The following FAM135B variants were observed in gnomAD, a reference collection of about 807,000 sequenced individuals.
FAM135B encodes the protein protein FAM135B.
In FAM135B, 43 loss-of-function variants were observed where a neutral mutation model predicts 127.7. The ratio of observed to expected loss-of-function variants is 0.34; its 90% CI spans 0.26 to 0.43. The LOEUF is 0.43. Ranked by LOEUF, FAM135B falls within the 20% of genes least tolerant of loss-of-function variation. FAM135B has a pLI of 1.00. For synonymous variants in FAM135B, 670 were observed against 665.1 expected (o/e 1.01, Z -0.11); for missense variants, 1,558 against 1,725.6 (o/e 0.90, Z 1.72).
intron 1 of FAM135B, among the ~76,000 whole-genome samples, chr8:138,381,173 TG>T (rs1831831649): frequency 6.6e-6 from 1 of 152,146 alleles, no homozygotes; most frequent in Non-Finnish European, 1.5e-5. Context: ...ATCCTTAGCA[TG>T]AAACAGATGC....
At chr8:138,305,808 TAA>T in intron 3 of FAM135B, among the ~76,000 whole-genome samples, 1 of 152,234 alleles carries the variant, frequency 6.6e-6, no homozygotes, top group East Asian at 1.9e-4. Context: ...ATGTTAGAAA[TAA>T]GACAGACCAA....
chr8:138,322,782 A>G (rs1353923001), intron 2 of FAM135B, among the ~76,000 whole-genome samples: 1 of 152,160 alleles, frequency 6.6e-6, no homozygotes, highest in African/African-American at 2.4e-5. Flanking sequence ...CTTTGCCAGC[A>G]GGACACCTGG....
chr8:138,170,541 T>C (rs1253514335), intron 11 of FAM135B, among the ~76,000 whole-genome samples: 1 of 152,168 alleles, frequency 6.6e-6, no homozygotes. Context: ...TATTTGAAGA[T>C]TAAATGTGGT....
chr8:138,206,849 A>G, intron 7 of FAM135B, among the ~76,000 whole-genome samples: 1 of 150,520 alleles, frequency 6.6e-6, no homozygotes, highest in African/African-American at 2.5e-5. Context: ...ACCTACACAC[A>G]GCTCTATCAT....
chr8:138,203,211 C>T (rs967463749), intron 7 of FAM135B, among the ~76,000 whole-genome samples: 6 of 152,212 alleles, frequency 3.9e-5, no homozygotes, highest in African/African-American at 1.2e-4. Context: ...ACATCTAATT[C>T]CTGCACTGGG....
At chr8:138,345,561 C>T (rs1316372894) in intron 2 of FAM135B, among the ~76,000 whole-genome samples, 1 of 122,318 alleles carries the variant, frequency 8.2e-6, no homozygotes, top group African/African-American at 3.3e-5. Flanking sequence ...AGTGTGGTAC[C>T]CCAACCCATT....
At chr8:138,217,152 G>A (rs1190686789) in intron 7 of FAM135B, among the ~76,000 whole-genome samples, 6 of 152,148 alleles carry the variant, frequency 3.9e-5, no homozygotes, top group South Asian at 2.1e-4. Flanking sequence ...AATGCCTGAC[G>A]AATATGCCCA....
chr8:138,211,695 T>C (rs1340036747), intron 7 of FAM135B, among the ~76,000 whole-genome samples: 1 of 152,236 alleles, frequency 6.6e-6, no homozygotes, highest in East Asian at 1.9e-4. Flanking sequence ...TGCTGAATGC[T>C]GTGAACACCT....
chr8:138,206,391 A>G, intron 7 of FAM135B, among the ~76,000 whole-genome samples: 1 of 148,648 alleles, frequency 6.7e-6, no homozygotes. Context: ...CATCCCCTCC[A>G]CCTACACACA....
intron 1 of FAM135B, among the ~76,000 whole-genome samples, chr8:138,416,356 G>T (rs979059561): frequency 2.0e-5 from 3 of 152,094 alleles, no homozygotes; most frequent in African/African-American, 7.2e-5. Flanking sequence ...CCTCCTAAGG[G>T]CATGTGACTT....
intron 3 of FAM135B, among the ~76,000 whole-genome samples, chr8:138,281,808 A>G (rs551324536): frequency 3.3e-5 from 5 of 152,234 alleles, no homozygotes; most frequent in Admixed American, 6.5e-5. Context: ...TTCCTTTTTA[A>G]AAAATTTTTA....
intron 4 of FAM135B, among the ~76,000 whole-genome samples, chr8:138,259,192 G>A (rs1034008211): frequency 1.4e-4 from 21 of 152,124 alleles, no homozygotes; most frequent in African/African-American, 4.8e-4. Context: ...ATGGTCACAT[G>A]TGTGTTCTAG....
chr8:138,179,638 C>T (rs1457834108), intron 9 of FAM135B, among the ~76,000 whole-genome samples: 1 of 152,184 alleles, frequency 6.6e-6, no homozygotes, highest in Non-Finnish European at 1.5e-5. Context: ...GCAATTCATG[C>T]ACGATAGGTG....
At chr8:138,367,410 C>T (rs1237250025) in intron 2 of FAM135B, 1 of 456,232 alleles carries the variant, frequency 2.2e-6, no homozygotes, top group African/African-American at 2.0e-5. Flanking sequence ...CAGACTGCAT[C>T]CTCAAAAAGA....
chr8:138,183,792 C>T (rs920941034), intron 9 of FAM135B, among the ~76,000 whole-genome samples: 7 of 152,232 alleles, frequency 4.6e-5, no homozygotes, highest in African/African-American at 1.7e-4. Flanking sequence ...AATCCAACAT[C>T]TTGTTGAGTT....
At chr8:138,139,937 A>C (rs1048470092) in intron 17 of FAM135B, among the ~76,000 whole-genome samples, 1 of 152,246 alleles carries the variant, frequency 6.6e-6, no homozygotes, top group African/African-American at 2.4e-5. Flanking sequence ...TGCTACGTCA[A>C]TGTGTGTGCA....
At chr8:138,163,371 T>C (rs948090092) in intron 12 of FAM135B, among the ~76,000 whole-genome samples, 1 of 152,114 alleles carries the variant, frequency 6.6e-6, no homozygotes, top group Non-Finnish European at 1.5e-5. Flanking sequence ...AGACAGATAT[T>C]GCAGCGTGCC....
Position 138,319,891 on chromosome 8 carries a change from T to C in FAM135B, c.78-8971A>G, listed in dbSNP as rs544504945. Among the ~76,000 whole-genome samples, 8 of 152,214 alleles carry C rather than the reference T, an allele frequency of 5.3e-5. No individual in the cohort carries two copies. The South Asian group carries it at 1.7e-3, about 32-fold the overall frequency. On this transcript the variant is annotated intron_variant, in intron 2 of 19. Coordinates refer to ENST00000395297, the MANE Select transcript of FAM135B (RefSeq NM_015912.4). ...TATACTCAATGCAATCACAAGAGTC[T>C]TTTCCTTATAAGAGAAAGAAGGAGG...
At chr8:138,390,056 T>A (rs1043461747) in intron 1 of FAM135B, among the ~76,000 whole-genome samples, 1 of 152,226 alleles carries the variant, frequency 6.6e-6, no homozygotes, top group African/African-American at 2.4e-5. Flanking sequence ...TTGTTTATCT[T>A]GTTCACCATT....
Sources: gnomAD v4.1 joint callset for allele counts (sites outside exome capture counted in the v4.1 genomes callset) on GRCh38, gnomAD v4.1.1 for gene constraint, MANE v1.5 for transcripts, NCBI Gene and HGNC (gene_info 2026-07-23, HGNC 2026-07-21) for gene names.